Variants in SLC9A5 observed in about 807,000 individuals in gnomAD.
SLC9A5 encodes the protein solute carrier family 9 member A5.
SLC9A5 carries 52 observed loss-of-function variants against 91.7 expected under a neutral mutation model. That is an observed-to-expected ratio of 0.57 (90% CI 0.45 to 0.71). SLC9A5 has a LOEUF of 0.71. Among genes scored for constraint, SLC9A5 ranks in the 30% least tolerant of loss-of-function variants. The pLI is 0.00. For synonymous variants in SLC9A5, 419 were observed against 474.5 expected, an observed-to-expected ratio of 0.88 and a Z score of 1.52; for missense variants, 871 against 1,158.9, an observed-to-expected ratio of 0.75 and a Z score of 3.61.
In SLC9A5 at chr16:67,259,657, C is replaced by T. The variant is rs575139681; in HGVS notation, c.1711C>T (p.Leu571=). The change falls in exon 11 of 16, where the codon CTG becomes TTG. Residue 571 remains leucine (L), a synonymous_variant. Transcript: ENST00000299798. The part of the protein sequence containing the change: ...NSVAETSVTN[L]LRESGSGACL... ...TGTGGCAGAAACTTCTGTCACCAACCTGCTGTGAGTCCTTGAGCCCCTTCC... is the reference window on the plus strand; with the variant it reads ...TGTGGCAGAAACTTCTGTCACCAACTTGCTGTGAGTCCTTGAGCCCCTTCC... 24 of 1,613,934 alleles carry T rather than the reference C, an allele frequency of 1.5e-5. No individual in the cohort carries two copies. The East Asian group carries it at 5.3e-4, about 36-fold the overall frequency.
At chr16:67,267,123 T>C (rs2035748048) in intron 15 of SLC9A5, among the ~76,000 whole-genome samples, 1 of 149,786 alleles carries the variant, frequency 6.7e-6, no homozygotes, top group Non-Finnish European at 1.5e-5. Context: ...GTTTTGCTCT[T>C]GTTGCCCAGG....
At position 67,255,473 on chromosome 16, in the gene SLC9A5, T is replaced by C; in HGVS notation, c.733+2T>C. 1 of 1,613,914 alleles carries C rather than the reference T, an allele frequency of 6.2e-7. No individual in the cohort carries two copies. Among genetic ancestry groups the C allele is most frequent in the Non-Finnish European group, 8.5e-7 (1 of 1,179,910 alleles). ...CCACTGACTACCTGAAGGGAGTCGG[T>C]CAGTATTTCCCCGCTCCCAGCTGGC... On this transcript the variant is annotated splice_donor_variant, in intron 4 of 15. Coordinates refer to ENST00000299798, the MANE Select transcript of SLC9A5 (RefSeq NM_004594.3). LOFTEE classifies it high-confidence loss of function. The surrounding 1 kb of genome is among the most constrained non-coding windows in gnomAD (Gnocchi z 4.9).
intron 10 of SLC9A5, 98 bp from the exon 11 acceptor site, chr16:67,259,475 T>C: frequency 1.2e-6 from 1 of 838,962 alleles, no homozygotes. Context: ...GTCAAAAGAG[T>C]AAACTAAGTG....
chr16:67,257,742 C>A lies in SLC9A5; in HGVS notation c.1496+141C>A. On this transcript the variant is annotated intron_variant, in intron 9 of 15. Coordinates refer to ENST00000299798, the MANE Select transcript of SLC9A5 (RefSeq NM_004594.3). The surrounding 1 kb of genome is among the most constrained non-coding windows in gnomAD (Gnocchi z 5.1). The stretch of plus-strand genomic sequence containing the variant: ...CTGCCTGAAGCCCTTCAGTGGCATC[C>A]CAGTGCTCTCAGGTTAAGACAAGGC... The A allele has an allele frequency of 1.2e-6, 1 of 830,418 alleles. No individual in the cohort carries two copies. Among genetic ancestry groups the A allele is most frequent in the Non-Finnish European group, 1.9e-6 (1 of 515,374 alleles). The allele number at this position is 830,418 out of a possible 1,614,324, so 51.4% of individuals were successfully genotyped here.
Position 67,259,845 on chromosome 16 carries a change from C to T in SLC9A5, c.1741C>T (p.Leu581=). The T allele has an allele frequency of 3.1e-6, 5 of 1,614,154 alleles. No homozygotes were observed. Among genetic ancestry groups the T allele is most frequent in the Non-Finnish European group, 4.2e-6 (5 of 1,180,018 alleles). The change falls in exon 12 of 16, where the codon CTG becomes TTG. Residue 581 remains leucine, a synonymous_variant. Transcript: ENST00000299798. ...GAGGGAGAGTGGCAGTGGAGCGTGT[C>T]TGGATCTGCAGGTGATTGACACAGT... ...LLRESGSGAC[L]DLQVIDTVRS...
chr16:67,268,608 C>G (rs938016885), intron 15 of SLC9A5, among the ~76,000 whole-genome samples: 2 of 135,252 alleles, frequency 1.5e-5, no homozygotes, highest in African/African-American at 5.4e-5. Flanking sequence ...ACCACAATGC[C>G]TTTCCCATAT....
chr16:67,251,512 C>A (rs942364830), intron 1 of SLC9A5, among the ~76,000 whole-genome samples: 5 of 138,098 alleles, frequency 3.6e-5, no homozygotes, highest in Non-Finnish European at 6.1e-5. Context: ...CTCCCAGGTT[C>A]AAGTGATTCT....
intron 12 of SLC9A5, 45 bp downstream of exon 12, chr16:67,259,991 C>A: frequency 1.3e-6 from 2 of 1,596,344 alleles, no homozygotes; most frequent in South Asian, 1.1e-5. Context: ...TGGAGGTGGT[C>A]TGAGGAGAGC....
intron 15 of SLC9A5, among the ~76,000 whole-genome samples, chr16:67,266,436 G>A (rs1230007901): frequency 2.0e-5 from 3 of 152,226 alleles, no homozygotes; most frequent in Non-Finnish European, 4.4e-5. Context: ...AGCTTAGAGA[G>A]CTTAAGAGAC....
In SLC9A5 at chr16:67,259,953, G is replaced by A. The variant is rs765584897; in HGVS notation, c.1842+7G>A. ...CTACAAGCCGCGCCGTAGGGTGAGA[G>A]CAGGCAGGCATCAGGATTTTGAGGG... On this transcript the variant is annotated splice_region_variant and intron_variant, in intron 12 of 15. Coordinates refer to ENST00000299798, the MANE Select transcript of SLC9A5 (RefSeq NM_004594.3). The A allele has an allele frequency of 1.2e-6, 2 of 1,613,258 alleles. No homozygotes were observed. The highest frequency in any genetic ancestry group is 1.1e-5 in the South Asian group (1 of 90,980).
chr16:67,249,292 C>T (rs1314123646), intron 1 of SLC9A5, 91 bp downstream of exon 1: 1 of 1,074,296 alleles, frequency 9.3e-7, no homozygotes, highest in East Asian at 3.2e-5. Context: ...TTGGGGCTGG[C>T]TTCTTGCACG....
intron 15 of SLC9A5, among the ~76,000 whole-genome samples, chr16:67,269,685 A>G (rs925399156): frequency 6.6e-6 from 1 of 152,156 alleles, no homozygotes; most frequent in African/African-American, 2.4e-5. Context: ...CATTTCACAC[A>G]TGTACTCAAA....
rs2048091223 is a variant in SLC9A5 at position 67,256,740 on chromosome 16, C to G, written c.1132+51C>G. On this transcript the variant is annotated intron_variant, in intron 6 of 15. Transcript: ENST00000299798. The surrounding 1 kb of genome is among the most constrained non-coding windows in gnomAD (Gnocchi z 4.1). Reference sequence around the variant, plus strand: ...CACTCTCCTTCCTGTCCCGCCCCTCCCTGCAGCTCATCTCCCTATCTGAGT... The same window carrying G: ...CACTCTCCTTCCTGTCCCGCCCCTCGCTGCAGCTCATCTCCCTATCTGAGT... The G allele has an allele frequency of 6.9e-7, 1 of 1,453,252 alleles. No homozygotes were observed. The highest frequency in any genetic ancestry group is 1.7e-5 in the Admixed American group (1 of 59,780). The allele number at this position is 1,453,252 out of a possible 1,614,324, so 90.0% of individuals were successfully genotyped here.
At chr16:67,254,918 T>G in intron 2 of SLC9A5, 103 bp from the exon 3 acceptor site, 2 of 1,164,484 alleles carry the variant, frequency 1.7e-6, no homozygotes, top group South Asian at 3.0e-5. Context: ...TGGGCTTCCT[T>G]GCTGTTATCA....
chr16:67,270,920 C>G lies in SLC9A5; in HGVS notation c.2401C>G (p.Leu801Val), dbSNP rs1388188573. 6.2e-7 allele frequency: 1 copy of G among 1,614,094 alleles called. No homozygotes were observed. The highest frequency in any genetic ancestry group is 1.7e-5 in the Admixed American group (1 of 60,006). ...WNQSISSLESLASPPCNQAPI... is the reference protein window; with the variant it reads ...WNQSISSLESVASPPCNQAPI... ...CCAGAGCATCTCATCCCTGGAGAGC[C>G]TAGCGTCCCCTCCCTGTAACCAGGC... The change falls in exon 16 of 16, where the codon CTA (leucine) becomes GTA (valine). Residue 801 changes from leucine (L) to valine (V), a missense_variant. Transcript: ENST00000299798. The surrounding 1 kb of genome is among the most constrained non-coding windows in gnomAD (Gnocchi z 4.3).
Position 67,258,508 on chromosome 16 carries a change from C to A in SLC9A5, c.1626+61C>A, listed in dbSNP as rs2035402607. On this transcript the variant is annotated intron_variant, in intron 10 of 15. Transcript: ENST00000299798. This position sits in a 1 kb window ranked among gnomAD's most constrained non-coding sequence, Gnocchi z 4.5. ...TGGGCAGATGGTCAGCAGAGCAGGA[C>A]AGAAAGGGGTGGCAAGCAGGCTGGC... The A allele has an allele frequency of 6.3e-7, 1 of 1,598,534 alleles. No individual in the cohort carries two copies. Among genetic ancestry groups the A allele is most frequent in the Non-Finnish European group, 8.6e-7 (1 of 1,167,504 alleles).
chr16:67,252,952 T>C lies in SLC9A5; in HGVS notation c.490+108T>C. On this transcript the variant is annotated intron_variant, in intron 2 of 15. Coordinates refer to ENST00000299798, the MANE Select transcript of SLC9A5 (RefSeq NM_004594.3). This position sits in a 1 kb window ranked among gnomAD's most constrained non-coding sequence, Gnocchi z 4.0. ...GAGCCATGCCCTGAAAGCTCCATCC[T>C]AGGTCCCTCCCTCTGGAGTGCAAGG... The C allele has an allele frequency of 9.6e-7, 1 of 1,039,536 alleles. No homozygotes were observed. Among genetic ancestry groups the C allele is most frequent in the Non-Finnish European group, 1.4e-6 (1 of 729,494 alleles). 64.4% of individuals were successfully genotyped at this position (1,039,536 alleles called of 1,614,324 possible).
At chr16:67,250,892 A>G (rs1302727798) in intron 1 of SLC9A5, among the ~76,000 whole-genome samples, 1 of 152,202 alleles carries the variant, frequency 6.6e-6, no homozygotes, top group African/African-American at 2.4e-5. Flanking sequence ...GAGGACTTAA[A>G]GGAGAGCCAA....
In SLC9A5 at chr16:67,255,730, C is replaced by A; in HGVS notation, c.734-23C>A. The A allele has an allele frequency of 6.5e-7, 1 of 1,542,832 alleles. No individual in the cohort carries two copies. Among genetic ancestry groups the A allele is most frequent in the Non-Finnish European group, 8.8e-7 (1 of 1,142,460 alleles). ...GGTAGGGTCCGGGCCAGGGGTCATGCTGACAACCCACTCCTCCCCCAGCCT... is the reference window on the plus strand; with the variant it reads ...GGTAGGGTCCGGGCCAGGGGTCATGATGACAACCCACTCCTCCCCCAGCCT... On this transcript the variant is annotated intron_variant, in intron 4 of 15. Transcript: ENST00000299798. The surrounding 1 kb of genome is among the most constrained non-coding windows in gnomAD (Gnocchi z 4.9).
Sources: allele counts gnomAD v4.1 joint callset (sites outside exome capture counted in the v4.1 genomes callset), GRCh38; gene constraint gnomAD v4.1.1; non-coding constraint Gnocchi (gnomAD v3.1); transcripts MANE v1.5; gene names NCBI Gene and HGNC (gene_info 2026-07-23, HGNC 2026-07-21).